GAP43: variants seen among roughly 807,000 people sequenced by gnomAD.
GAP43 encodes the protein growth associated protein 43, also known as neuromodulin.
Under a neutral mutation model 18.6 loss-of-function variants are expected in GAP43, and 6 were observed. The ratio of observed to expected loss-of-function variants is 0.32; its 90% confidence interval spans 0.18 to 0.64. The LOEUF (loss-of-function observed/expected upper bound fraction) is 0.64. Among genes scored for constraint, GAP43 ranks in the 30% least tolerant of loss-of-function variants. The probability of loss-of-function intolerance (pLI) is 0.78; values close to 1 mark genes in which losing one functional copy is unlikely to be tolerated. For missense variants in GAP43, 292 were observed against 295.5 expected, an observed-to-expected ratio of 0.99 and a Z score of 0.09; for synonymous variants, 115 against 111.4, an observed-to-expected ratio of 1.03 and a Z score of -0.20.
At chr3:115,650,938 T>G (rs1708513007) in intron 1 of GAP43, among the ~76,000 whole-genome samples, 1 of 151,808 alleles carries the variant, frequency 6.6e-6, no homozygotes, top group Non-Finnish European at 1.5e-5. Flanking sequence ...CATACCAGCC[T>G]CAATAGCGAG....
Position 115,720,807 on chromosome 3 carries a change from A to C in GAP43, c.642A>C (p.Glu214Asp). Residue 214 changes from glutamate (E) to aspartate (D), a missense_variant, in exon 3 of 3, where the codon GAA becomes GAC. Transcript: ENST00000305124. ...QAEENIEAVD[E>D]TKPKESARQD... ...TTTCTTTCTCAGAAGCTGTAGATGA[A>C]ACCAAACCTAAGGAAAGTGCCCGGC... The C allele has an allele frequency of 3.1e-6, 5 of 1,612,896 alleles. No homozygotes were observed. Among genetic ancestry groups the C allele is most frequent in the Non-Finnish European group, 4.2e-6 (5 of 1,179,198 alleles).
chr3:115,630,652 T>C (rs1347695757), intron 1 of GAP43, among the ~76,000 whole-genome samples: 2 of 152,182 alleles, frequency 1.3e-5, no homozygotes, highest in Non-Finnish European at 1.5e-5. Flanking sequence ...TTCAGTAGTA[T>C]TTGTCAATTG....
chr3:115,628,983 C>T (rs1335273408), intron 1 of GAP43, among the ~76,000 whole-genome samples: 2 of 152,208 alleles, frequency 1.3e-5, no homozygotes, highest in African/African-American at 4.8e-5. Context: ...TTGTGTATCA[C>T]ACTTGATCTT....
chr3:115,662,435 C>T (rs2107481602), intron 1 of GAP43, among the ~76,000 whole-genome samples: 1 of 152,250 alleles, frequency 6.6e-6, no homozygotes, highest in African/African-American at 2.4e-5. Context: ...TTTGATATGA[C>T]TTTGAATTGC....
chr3:115,625,771 A>G (rs1199396564), intron 1 of GAP43, among the ~76,000 whole-genome samples: 1 of 152,188 alleles, frequency 6.6e-6, no homozygotes, highest in East Asian at 1.9e-4. Context: ...GTGCAAAGTG[A>G]TGAAGCTGAA....
In GAP43 at chr3:115,651,275, T is replaced by C. The variant is rs186012925; in HGVS notation, c.31-24738T>C. Among the ~76,000 whole-genome samples, 380 of 152,338 alleles carry C rather than the reference T, an allele frequency of 2.5e-3. 1 individual carries two copies. Among genetic ancestry groups the C allele is most frequent in the African/African-American group, 8.5e-3 (352 of 41,582 alleles). ...GGGTTCTGCAACATTATGAGTTTCTTGCTAAATGAAGTCAAGTCTCTCTTC... is the reference window on the plus strand; with the variant it reads ...GGGTTCTGCAACATTATGAGTTTCTCGCTAAATGAAGTCAAGTCTCTCTTC... On this transcript the variant is annotated intron_variant, in intron 1 of 2. Coordinates refer to ENST00000305124, the MANE Select transcript of GAP43 (RefSeq NM_002045.4).
At chr3:115,634,458 C>T (rs188847293) in intron 1 of GAP43, among the ~76,000 whole-genome samples, 55 of 152,054 alleles carry the variant, frequency 3.6e-4, no homozygotes, top group Non-Finnish European at 6.5e-4. Flanking sequence ...GCAATTGTCT[C>T]ATTATTTACC....
chr3:115,710,011 T>C (rs1175508275), intron 2 of GAP43, among the ~76,000 whole-genome samples: 1 of 152,166 alleles, frequency 6.6e-6, no homozygotes, highest in East Asian at 1.9e-4. Flanking sequence ...AATAGTATAT[T>C]GCACAGTATC....
At chr3:115,680,082 C>T (rs1002558539) in intron 2 of GAP43, among the ~76,000 whole-genome samples, 2 of 152,268 alleles carry the variant, frequency 1.3e-5, no homozygotes, top group Admixed American at 6.5e-5. Flanking sequence ...CTGTCTCCTT[C>T]TTTTCTATTC....
intron 1 of GAP43, among the ~76,000 whole-genome samples, chr3:115,627,275 T>C (rs1708202454): frequency 6.6e-6 from 1 of 151,608 alleles, no homozygotes; most frequent in Non-Finnish European, 1.5e-5. Context: ...AGCCCTGATC[T>C]CTCCTGCTGA....
intron 1 of GAP43, among the ~76,000 whole-genome samples, chr3:115,636,180 C>T (rs964356763): frequency 2.0e-5 from 3 of 151,920 alleles, no homozygotes; most frequent in Admixed American, 2.0e-4. Context: ...TTGTGGTTCC[C>T]TCAAAAAGTG....
In GAP43 at chr3:115,676,005, C is replaced by T. The variant is rs144973412; in HGVS notation, c.31-8C>T. On this transcript the variant is annotated splice_region_variant and splice_polypyrimidine_tract_variant and intron_variant, in intron 1 of 2. Coordinates refer to ENST00000305124, the MANE Select transcript of GAP43 (RefSeq NM_002045.4). ...AGCCCTCTCTTTTCCCTTCTTTTCTCGACAAAGGTTGAAAAAAATGATGAC... is the reference window on the plus strand; with the variant it reads ...AGCCCTCTCTTTTCCCTTCTTTTCTTGACAAAGGTTGAAAAAAATGATGAC... 43 of 1,589,360 alleles carry T rather than the reference C, an allele frequency of 2.7e-5. No individual in the cohort carries two copies. The East Asian group carries it at 5.8e-4, about 22-fold the overall frequency.
chr3:115,709,247 C>T (rs1709404603), intron 2 of GAP43, among the ~76,000 whole-genome samples: 1 of 152,180 alleles, frequency 6.6e-6, no homozygotes, highest in East Asian at 1.9e-4. Context: ...CTTGCTTTTG[C>T]AGCGAGAGTT....
chr3:115,666,980 T>C lies in GAP43; in HGVS notation c.31-9033T>C, dbSNP rs186727476. The stretch of plus-strand genomic sequence containing the variant: ...TAAGAAGAGAGAGGAAAATGACTGC[T>C]GGAGAGTGGCGTGATGAAGGCTCCA... On this transcript the variant is annotated intron_variant, in intron 1 of 2. Transcript: ENST00000305124. 2.6e-5 allele frequency among the ~76,000 whole-genome samples: 4 copies of C among 152,232 alleles called. No homozygotes were observed. The East Asian group carries it at 7.7e-4, about 29-fold the overall frequency.
At position 115,721,227 on chromosome 3, in the gene GAP43, CCTCT is replaced by C. The variant is rs34867539; in HGVS notation, c.*360_*363del. On this transcript the variant is annotated 3_prime_UTR_variant, in exon 3 of 3. Transcript: ENST00000305124. ...GTGTGGCCCTGTGGGAGTCCACTTT[CCTCT>C]CTCTCTCTCTCTCTGTTCCAAGTGT... The C allele has an allele frequency of 3.0e-4, 46 of 154,574 alleles. No homozygotes were observed. The highest frequency in any genetic ancestry group is 5.4e-4 in the African/African-American group (22 of 40,936). 9.6% of individuals were successfully genotyped at this position (154,574 alleles called of 1,614,324 possible).
At chr3:115,627,562 G>T (rs540721086) in intron 1 of GAP43, among the ~76,000 whole-genome samples, 1 of 152,026 alleles carries the variant, frequency 6.6e-6, no homozygotes, top group African/African-American at 2.4e-5. Context: ...CCATAAGGAA[G>T]GGTACTGGTG....
intron 1 of GAP43, among the ~76,000 whole-genome samples, chr3:115,672,704 C>T (rs1708828703): frequency 6.7e-6 from 1 of 148,678 alleles, no homozygotes; most frequent in African/African-American, 2.5e-5. Flanking sequence ...CCCCTCTCCT[C>T]TTTCATTTCT....
chr3:115,718,416 A>G (rs538897804), intron 2 of GAP43, among the ~76,000 whole-genome samples: 6 of 152,324 alleles, frequency 3.9e-5, no homozygotes, highest in Middle Eastern at 3.4e-3. Context: ...CTTCTGGTAG[A>G]AAATTAAATA....
intron 2 of GAP43, among the ~76,000 whole-genome samples, chr3:115,693,731 T>A (rs1436399151): frequency 1.4e-5 from 2 of 142,538 alleles, no homozygotes; most frequent in Non-Finnish European, 3.0e-5. Context: ...AGAGAAGAGT[T>A]GTGAAGTCTC....
Sources: allele counts gnomAD v4.1 joint callset (sites outside exome capture counted in the v4.1 genomes callset), GRCh38; gene constraint gnomAD v4.1.1; transcripts MANE v1.5; gene names NCBI Gene and HGNC (gene_info 2026-07-23, HGNC 2026-07-21).